RELN: variants seen among roughly 807,000 people sequenced by gnomAD.
RELN encodes the protein reelin.
Under a neutral mutation model 427.6 loss-of-function variants are expected in RELN, and 108 were observed. The ratio of observed to expected loss-of-function variants is 0.25; its 90% CI spans 0.22 to 0.30. The LOEUF (loss-of-function observed/expected upper bound fraction) is 0.30. RELN is among the 10% of genes least tolerant of loss of function. The probability of loss-of-function intolerance (pLI) is 1.00; values close to 1 mark genes in which losing one functional copy is unlikely to be tolerated. For missense variants in RELN, 3,715 were observed against 4,302.8 expected (o/e 0.86, Z 3.82); for synonymous variants, 1,524 against 1,513.4 (o/e 1.01, Z -0.16).
intron 1 of RELN, among the ~76,000 whole-genome samples, chr7:103,943,619 G>C (rs1796159268): frequency 5.9e-5 from 9 of 152,134 alleles, no homozygotes. Context: ...GGGAGGCAGA[G>C]GTGGTTGGAT....
chr7:103,906,336 C>A (rs76186170), intron 2 of RELN, among the ~76,000 whole-genome samples: 1 of 152,148 alleles, frequency 6.6e-6, no homozygotes, highest in East Asian at 1.9e-4. Flanking sequence ...GTTCTTTATC[C>A]ATAAAATAAG....
chr7:103,489,753 T>C lies in RELN; in HGVS notation c.9752A>G (p.Glu3251Gly). The change falls in exon 60 of 65, where the codon GAG becomes GGG. Residue 3251 changes from glutamate to glycine, a missense_variant. Glu to Gly is a moderately conservative substitution (Grantham distance 98). Transcript: ENST00000428762. ...CCTGGGATTCAGACCTTGGAAGCTC[T>C]CGTCGCAGATGCAGATGGCACCGGT... ...CTTGAICICDESFQGDDCSVF... is the reference protein window; with the variant it reads ...CTTGAICICDGSFQGDDCSVF... The C allele has an allele frequency of 1.2e-6, 2 of 1,614,064 alleles. No homozygotes were observed. The highest frequency in any genetic ancestry group is 1.7e-6 in the Non-Finnish European group (2 of 1,179,998).
chr7:103,880,326 CAT>C (rs1020347039), intron 2 of RELN, among the ~76,000 whole-genome samples: 12 of 152,126 alleles, frequency 7.9e-5, no homozygotes, highest in African/African-American at 2.7e-4. Flanking sequence ...AAAAACTTCA[CAT>C]CTTTTTAAAG....
chr7:103,959,471 T>C lies in RELN; in HGVS notation c.226+29660A>G, dbSNP rs2116785636. ...TCCAACAGTTCTCTCAAACTTAACA[T>C]GTTCAAAACTGAGCTCCTATCTCTG... is the stretch of plus-strand genomic sequence containing the variant. On this transcript the variant is annotated intron_variant, in intron 1 of 64. Transcript: ENST00000428762. 1.3e-5 allele frequency among the ~76,000 whole-genome samples: 2 copies of C among 152,290 alleles called. 1 individual carries two copies. The highest frequency in any genetic ancestry group is 4.1e-4 in the South Asian group (2 of 4,828).
intron 6 of RELN, among the ~76,000 whole-genome samples, chr7:103,741,369 T>C (rs993813804): frequency 2.0e-5 from 3 of 151,962 alleles, no homozygotes; most frequent in Admixed American, 6.6e-5. Flanking sequence ...ATATATTCCA[T>C]AGATTTTATA....
chr7:103,723,873 T>C (rs1790137976), intron 7 of RELN, among the ~76,000 whole-genome samples: 1 of 152,208 alleles, frequency 6.6e-6, no homozygotes, highest in South Asian at 2.1e-4. Context: ...AATAGTCTTC[T>C]GACAAGTTTC....
At chr7:103,905,302 G>T (rs1795176670) in intron 2 of RELN, among the ~76,000 whole-genome samples, 1 of 152,002 alleles carries the variant, frequency 6.6e-6, no homozygotes, top group South Asian at 2.1e-4. Context: ...TTCTATAGAA[G>T]ATACTTAATC....
rs10631941 is a variant in RELN, at chr7:103,943,848, C to CAAA, written c.227-26666_227-26664dup. Among the ~76,000 whole-genome samples the CAAA allele has an allele frequency of 1.3e-3, 97 of 76,342 alleles. 7 individuals carry two copies. Among genetic ancestry groups the CAAA allele is most frequent in the African/African-American group, 2.4e-3 (40 of 16,986 alleles). The allele number at this position is 76,342 out of a possible 152,430, so 50.1% of individuals were successfully genotyped here. A position where few individuals can be genotyped will look rare whatever the true frequency, so the allele number is the denominator to read the frequency against. On this transcript the variant is annotated intron_variant, in intron 1 of 64. Transcript: ENST00000428762. ...GGGGAATGGAGCAAGATTCTGTCTC[C>CAAA]AAAAAAAAAAAAAAAAAAAAAGAAT...
In RELN at chr7:103,589,652, C is replaced by T. The variant is rs746165859; in HGVS notation, c.4089G>A (p.Gly1363=). Residue 1363 remains glycine (G), a synonymous_variant, in exon 28 of 65, where the codon GGG becomes GGA. Coordinates refer to ENST00000428762, the MANE Select transcript of RELN (RefSeq NM_005045.4). ...ELSEPTMYHT[G]DFEEWTRITI... ...TGATTCTTGTCCATTCTTCAAAGTC[C>T]CCTGTGTGATACATGGTGGGCTCAC... The T allele has an allele frequency of 1.2e-6, 2 of 1,614,014 alleles. No individual in the cohort carries two copies. Among genetic ancestry groups the T allele is most frequent in the Non-Finnish European group, 8.5e-7 (1 of 1,179,964 alleles).
chr7:103,646,485 G>A (rs904103201), intron 16 of RELN, among the ~76,000 whole-genome samples: 3 of 151,776 alleles, frequency 2.0e-5, no homozygotes, highest in Non-Finnish European at 4.4e-5. Flanking sequence ...AGTGATTACT[G>A]TAAACATCTT....
intron 6 of RELN, among the ~76,000 whole-genome samples, chr7:103,729,056 T>G (rs527942621): frequency 1.3e-5 from 2 of 152,336 alleles, no homozygotes; most frequent in South Asian, 4.1e-4. Flanking sequence ...CTTGTATATT[T>G]ACGGTAACAT....
In RELN at chr7:103,630,067, T is replaced by C; in HGVS notation, c.2575A>G (p.Ile859Val). The C allele has an allele frequency of 1.2e-6, 2 of 1,613,314 alleles. No individual in the cohort carries two copies. Among genetic ancestry groups the C allele is most frequent in the Non-Finnish European group, 1.7e-6 (2 of 1,179,408 alleles). The change falls in exon 20 of 65, where the codon ATT (isoleucine) becomes GTT (valine). Residue 859 changes from isoleucine (I) to valine (V), a missense_variant. Transcript: ENST00000428762. ...TTGAAAAGCACAGATGTCATGATAA[T>C]CTCATCAATAGCCCATACATCTTCT... ...QREDVWAIDE[I>V]IMTSVLFNSI...
intron 1 of RELN, among the ~76,000 whole-genome samples, chr7:103,932,817 A>T (rs1427670612): frequency 1.3e-5 from 2 of 152,180 alleles, no homozygotes; most frequent in East Asian, 3.9e-4. Flanking sequence ...GGTCAAGGTG[A>T]TGGCAGCTCC....
At chr7:103,690,742 G>A (rs1216577538) in intron 10 of RELN, among the ~76,000 whole-genome samples, 1 of 152,094 alleles carries the variant, frequency 6.6e-6, no homozygotes, top group African/African-American at 2.4e-5. Flanking sequence ...GCTCTGGGGA[G>A]CTTTTGAACT....
chr7:103,549,962 T>C (rs1830377235), intron 41 of RELN, among the ~76,000 whole-genome samples: 1 of 152,246 alleles, frequency 6.6e-6, no homozygotes, highest in Admixed American at 6.5e-5. Flanking sequence ...TCTATTCCTA[T>C]GATCTCCAGA....
At chr7:103,884,005 G>A (rs1794667976) in intron 2 of RELN, among the ~76,000 whole-genome samples, 1 of 152,112 alleles carries the variant, frequency 6.6e-6, no homozygotes, top group Admixed American at 6.5e-5. Flanking sequence ...CAATGCTGGA[G>A]GTATGATACT....
chr7:103,647,880 G>A (rs1832830414), intron 16 of RELN, among the ~76,000 whole-genome samples: 1 of 151,846 alleles, frequency 6.6e-6, no homozygotes, highest in South Asian at 2.1e-4. Context: ...ACAGAATAGA[G>A]AGCCCAGAAT....
At chr7:103,778,426 G>A (rs893936059) in intron 3 of RELN, among the ~76,000 whole-genome samples, 1 of 151,944 alleles carries the variant, frequency 6.6e-6, no homozygotes. Context: ...ATAACTGTTC[G>A]TTTTTGTTGT....
chr7:103,893,378 C>T (rs1794891433), intron 2 of RELN, among the ~76,000 whole-genome samples: 1 of 152,110 alleles, frequency 6.6e-6, no homozygotes. Flanking sequence ...CTTGTCACTT[C>T]CTTATTGCAT....
Sources: gnomAD v4.1 joint callset for allele counts (sites outside exome capture counted in the v4.1 genomes callset) on GRCh38, gnomAD v4.1.1 for gene constraint, MANE v1.5 for transcripts, NCBI Gene and HGNC (gene_info 2026-07-23, HGNC 2026-07-21) for gene names.